Variants in MKRN2OS observed in about 807,000 individuals in gnomAD.
MKRN2OS encodes MKRN2 opposite strand.
In MKRN2OS, 17 loss-of-function variants were observed where a neutral mutation model predicts 18.2. The ratio of observed to expected loss-of-function variants is 0.93; its 90% CI spans 0.64 to 1.40. MKRN2OS has a LOEUF of 1.40. Among genes scored for constraint, MKRN2OS ranks in the 40% most tolerant of loss-of-function variants. The pLI is 0.00. For synonymous variants in MKRN2OS, 121 were observed against 108.5 expected, an observed-to-expected ratio of 1.12 and a Z score of -0.72; for missense variants, 337 against 283.0, an observed-to-expected ratio of 1.19 and a Z score of -1.37.
intron 2 of MKRN2OS, among the ~76,000 whole-genome samples, chr3:12,542,584 C>A (rs1298023589): frequency 2.6e-5 from 4 of 152,036 alleles, no homozygotes; most frequent in Non-Finnish European, 5.9e-5. Flanking sequence ...ATCCAGGCTA[C>A]ACATCCTGCA....
chr3:12,542,809 G>T (rs1426643076), intron 2 of MKRN2OS, among the ~76,000 whole-genome samples: 1 of 151,884 alleles, frequency 6.6e-6, no homozygotes, highest in Non-Finnish European at 1.5e-5. Flanking sequence ...AGTCGGCTGA[G>T]CATAGGATTG....
At chr3:12,549,436 T>C (rs2057911278), upstream of MKRN2OS, among the ~76,000 whole-genome samples, 1 of 151,316 alleles carries the variant, frequency 6.6e-6, no homozygotes, top group South Asian at 2.1e-4. Context: ...AGATATGGGG[T>C]TTCACCATGT....
At chr3:12,541,620 T>G (rs1263958279) in intron 3 of MKRN2OS, among the ~76,000 whole-genome samples, 1 of 152,228 alleles carries the variant, frequency 6.6e-6, no homozygotes, top group Non-Finnish European at 1.5e-5. Flanking sequence ...GAATACAGGT[T>G]CTAGACCTTT....
At chr3:12,546,575 A>ATTTT (rs1160434615), upstream of MKRN2OS, among the ~76,000 whole-genome samples, 270 of 97,088 alleles carry the variant, frequency 2.8e-3, 26 homozygotes, top group African/African-American at 9.0e-3. Flanking sequence ...GGTACATGGG[A>ATTTT]TTTTTTTTTT....
At chr3:12,543,367 A>C (rs772820866) in intron 1 of MKRN2OS, 138 bp from the exon 2 acceptor site, 69 of 642,754 alleles carry the variant, frequency 1.1e-4, no homozygotes, top group Admixed American at 7.5e-4. Flanking sequence ...CGGGCAGATC[A>C]CTTGAGGCCA....
upstream of MKRN2OS, among the ~76,000 whole-genome samples, chr3:12,549,151 G>A (rs971070155): frequency 6.6e-6 from 1 of 152,050 alleles, no homozygotes; most frequent in Non-Finnish European, 1.5e-5. Flanking sequence ...AATAGAGTTG[G>A]CCAGGCTGGT....
upstream of MKRN2OS, among the ~76,000 whole-genome samples, chr3:12,548,573 A>C (rs1190836374): frequency 2.0e-5 from 3 of 150,634 alleles, no homozygotes; most frequent in African/African-American, 7.3e-5. Context: ...CGGAGGTTGC[A>C]GTGAGCTGTG....
At chr3:12,560,778 G>C (rs1279689003) in exon 1 of MKRN2OS, 1 of 152,348 alleles carries the variant, frequency 6.6e-6, no homozygotes, top group Non-Finnish European at 1.5e-5. Flanking sequence ...CTCCAGCTAT[G>C]CACTTCACCC....
chr3:12,546,599 G>GA (rs2057886604), upstream of MKRN2OS, among the ~76,000 whole-genome samples: 3 of 24,258 alleles, frequency 1.2e-4, no homozygotes, highest in South Asian at 3.5e-3. Context: ...TTTTTTTTTT[G>GA]AGACAGAGTC....
intron 2 of MKRN2OS, among the ~76,000 whole-genome samples, chr3:12,542,891 T>C (rs2057835207): frequency 6.6e-6 from 1 of 152,128 alleles, no homozygotes; most frequent in Non-Finnish European, 1.5e-5. Context: ...TCAATCTCAC[T>C]GGACATCTAT....
intron 1 of MKRN2OS, among the ~76,000 whole-genome samples, chr3:12,554,492 T>C (rs1309080702): frequency 6.7e-6 from 1 of 150,278 alleles, no homozygotes; most frequent in Non-Finnish European, 1.5e-5. Context: ...ATATGAAATA[T>C]ATATGAAATA....
chr3:12,555,756 C>A (rs774940175), intron 1 of MKRN2OS, among the ~76,000 whole-genome samples: 1 of 152,176 alleles, frequency 6.6e-6, no homozygotes, highest in African/African-American at 2.4e-5. Context: ...CCAGCCCCCA[C>A]CCACCCCCTG....
chr3:12,558,920 CTG>C (rs2058009804), intron 1 of MKRN2OS, among the ~76,000 whole-genome samples: 1 of 152,220 alleles, frequency 6.6e-6, no homozygotes. Context: ...GATCGTAAAA[CTG>C]AGCCTCAGCA....
intron 2 of MKRN2OS, 60 bp from the exon 3 acceptor site, chr3:12,542,082 G>C (rs964662341): frequency 4.1e-6 from 6 of 1,470,256 alleles, no homozygotes; most frequent in South Asian, 1.3e-5. Context: ...CTGTGAAAAA[G>C]AGACATCAGA....
At chr3:12,544,607 G>A (rs763204074) in intron 1 of MKRN2OS, among the ~76,000 whole-genome samples, 4 of 151,902 alleles carry the variant, frequency 2.6e-5, no homozygotes, top group Non-Finnish European at 4.4e-5. Flanking sequence ...GCTTGAACCC[G>A]GGAGGTGGAG....
intron 1 of MKRN2OS, among the ~76,000 whole-genome samples, chr3:12,558,239 A>G (rs2058000394): frequency 6.6e-6 from 1 of 152,214 alleles, no homozygotes; most frequent in South Asian, 2.1e-4. Context: ...CAATTTATCC[A>G]AGGCCCAGGT....
At chr3:12,559,151 TA>T (rs2125298521) in intron 1 of MKRN2OS, among the ~76,000 whole-genome samples, 1 of 152,300 alleles carries the variant, frequency 6.6e-6, no homozygotes, top group Non-Finnish European at 1.5e-5. Context: ...CAAAAGGGTG[TA>T]AAGGAGTCAG....
chr3:12,539,956 T>G lies in MKRN2OS; in HGVS notation c.*237A>C. ...ATGCGCCACCATGCCCAGCTAATTT[T>G]ATATTTTTAGTAAGGACGGGGTTTC... is the stretch of plus-strand genomic sequence containing the variant. On this transcript the variant is annotated 3_prime_UTR_variant, in exon 4 of 4. Transcript: ENST00000564146. 2 of 487,668 alleles carry G rather than the reference T, an allele frequency of 4.1e-6. No homozygotes were observed. The highest frequency in any genetic ancestry group is 7.4e-6 in the Non-Finnish European group (2 of 270,586). 30.2% of individuals were successfully genotyped at this position (487,668 alleles called of 1,614,324 possible).
At chr3:12,541,764 A>G in intron 3 of MKRN2OS, 96 bp downstream of exon 3, 1 of 1,253,592 alleles carries the variant, frequency 8.0e-7, no homozygotes, top group Admixed American at 2.6e-5. Flanking sequence ...CATGAAGCTA[A>G]GTGCTGCTGA....
Sources: gnomAD v4.1 joint callset for allele counts (sites outside exome capture counted in the v4.1 genomes callset) on GRCh38, gnomAD v4.1.1 for gene constraint, MANE v1.5 for transcripts, NCBI Gene and HGNC (gene_info 2026-07-23, HGNC 2026-07-21) for gene names.